HMBOX1: variants seen among roughly 807,000 people sequenced by gnomAD.
HMBOX1 encodes the protein homeobox-containing protein 1.
HMBOX1 carries 14 observed loss-of-function variants against 54.5 expected under a neutral mutation model. That is an observed-to-expected ratio of 0.26 (90% confidence interval 0.17 to 0.40). HMBOX1 has a LOEUF of 0.40. Ranked by LOEUF, HMBOX1 falls within the 10% of genes least tolerant of loss-of-function variation. The pLI, the probability that HMBOX1 is intolerant of heterozygous loss-of-function variation, is 1.00. For synonymous variants in HMBOX1, 160 were observed against 181.0 expected (o/e 0.88, Z 0.93); for missense variants, 332 against 514.4 (o/e 0.65, Z 3.43).
At chr8:28,988,417 A>G (rs1830465602) in intron 4 of HMBOX1, among the ~76,000 whole-genome samples, 1 of 152,168 alleles carries the variant, frequency 6.6e-6, no homozygotes, top group Non-Finnish European at 1.5e-5. Context: ...TTGTGTGGGA[A>G]TATGTTTTCA....
At chr8:29,020,954 C>T (rs970509123) in intron 6 of HMBOX1, among the ~76,000 whole-genome samples, 2 of 152,172 alleles carry the variant, frequency 1.3e-5, no homozygotes, top group African/African-American at 4.8e-5. Flanking sequence ...GCAGAAGGAT[C>T]ACTTGAGGCC....
chr8:28,995,220 T>C (rs974289011), intron 4 of HMBOX1, among the ~76,000 whole-genome samples: 2 of 152,202 alleles, frequency 1.3e-5, no homozygotes, highest in African/African-American at 2.4e-5. Flanking sequence ...TCTGCAGATA[T>C]ACCTACAGAC....
chr8:28,974,038 T>C (rs1827976378), intron 3 of HMBOX1, among the ~76,000 whole-genome samples: 1 of 152,030 alleles, frequency 6.6e-6, no homozygotes, highest in Non-Finnish European at 1.5e-5. Flanking sequence ...GGTCTCAAAC[T>C]CCTGGCCTCA....
At chr8:29,030,169 T>G (rs117349812) in intron 6 of HMBOX1, among the ~76,000 whole-genome samples, 3 of 147,126 alleles carry the variant, frequency 2.0e-5, no homozygotes, top group African/African-American at 7.7e-5. Context: ...GAATAAAGTA[T>G]TAGGTTCCAG....
At chr8:28,958,230 C>A (rs1317193435) in intron 1 of HMBOX1, among the ~76,000 whole-genome samples, 2 of 152,094 alleles carry the variant, frequency 1.3e-5, no homozygotes, top group Admixed American at 1.3e-4. Context: ...GTGTCCTGAG[C>A]CGCTGGGATT....
chr8:28,941,122 T>C (rs1821332362), intron 1 of HMBOX1, among the ~76,000 whole-genome samples: 1 of 152,214 alleles, frequency 6.6e-6, no homozygotes, highest in Non-Finnish European at 1.5e-5. Flanking sequence ...CTCATATTTT[T>C]TTCTTTTCTA....
At chr8:28,941,562 A>G (rs1191134813) in intron 1 of HMBOX1, among the ~76,000 whole-genome samples, 1 of 152,208 alleles carries the variant, frequency 6.6e-6, no homozygotes, top group Non-Finnish European at 1.5e-5. Context: ...GGCTTAGAAA[A>G]GAAACATTTT....
intron 6 of HMBOX1, among the ~76,000 whole-genome samples, chr8:29,027,876 CTG>C (rs1490564018): frequency 2.6e-5 from 4 of 152,090 alleles, no homozygotes; most frequent in East Asian, 1.9e-4. Flanking sequence ...ATGAATATCT[CTG>C]TTTGTGTTTG....
At chr8:28,914,701 AAT>A (rs1816182912) in intron 1 of HMBOX1, among the ~76,000 whole-genome samples, 1 of 152,220 alleles carries the variant, frequency 6.6e-6, no homozygotes, top group Admixed American at 6.5e-5. Flanking sequence ...TAATAAAATA[AAT>A]ATGTGGTTTT....
At chr8:28,921,385 A>AT (rs1817534300) in intron 1 of HMBOX1, among the ~76,000 whole-genome samples, 1 of 152,190 alleles carries the variant, frequency 6.6e-6, no homozygotes, top group Admixed American at 6.5e-5. Flanking sequence ...CCATCACTTG[A>AT]TATCAGGATG....
At chr8:28,959,103 T>A (rs2132222211) in intron 1 of HMBOX1, among the ~76,000 whole-genome samples, 1 of 152,336 alleles carries the variant, frequency 6.6e-6, no homozygotes, top group African/African-American at 2.4e-5. Context: ...AGAAGATTCA[T>A]TCTTCTTATA....
At chr8:28,980,463 C>T (rs1829155314) in intron 4 of HMBOX1, among the ~76,000 whole-genome samples, 1 of 152,192 alleles carries the variant, frequency 6.6e-6, no homozygotes, top group Non-Finnish European at 1.5e-5. Flanking sequence ...GCACATCCAA[C>T]TGCTTTCTAT....
Position 29,050,948 on chromosome 8 carries a change from C to T in HMBOX1, c.1126-70C>T, listed in dbSNP as rs1445991172. 50 of 1,515,782 alleles carry T rather than the reference C, an allele frequency of 3.3e-5. No homozygotes were observed. The East Asian group carries it at 3.4e-4, about 10-fold the overall frequency. 93.9% of individuals were successfully genotyped at this position (1,515,782 alleles called of 1,614,324 possible). A position where few individuals can be genotyped will look rare whatever the true frequency, so the allele number is the denominator to read the frequency against. On this transcript the variant is annotated intron_variant, in intron 9 of 9. Coordinates refer to ENST00000287701, the MANE Select transcript of HMBOX1 (RefSeq NM_001135726.3). ...ACGAATGTTCTGCCTCCCCTTGCCC[C>T]AGCATGTCTCTCTGTGACTAAAGAA...
chr8:29,018,705 A>C (rs545564921), intron 5 of HMBOX1, 55 bp from the exon 6 acceptor site: 8 of 1,566,004 alleles, frequency 5.1e-6, no homozygotes, highest in Non-Finnish European at 7.0e-6. Flanking sequence ...AGTAGATGTT[A>C]TATTGTTTTA....
chr8:28,892,022 C>T (rs1460496339), intron 1 of HMBOX1, among the ~76,000 whole-genome samples: 2 of 152,058 alleles, frequency 1.3e-5, no homozygotes, highest in South Asian at 2.1e-4. Context: ...TCCTTAAGTC[C>T]TTCCTTTCTT....
chr8:29,013,275 A>G (rs1586476856), intron 5 of HMBOX1, among the ~76,000 whole-genome samples: 1 of 152,282 alleles, frequency 6.6e-6, no homozygotes, highest in South Asian at 2.1e-4. Flanking sequence ...AGCTGGGATT[A>G]CAGGCACGTG....
chr8:29,023,881 G>A (rs1373719458), intron 6 of HMBOX1, among the ~76,000 whole-genome samples: 3 of 152,270 alleles, frequency 2.0e-5, no homozygotes, highest in African/African-American at 7.2e-5. Flanking sequence ...ACCCCTGATG[G>A]ACTGAATCTT....
chr8:28,907,509 C>G (rs1814565151), intron 1 of HMBOX1, among the ~76,000 whole-genome samples: 1 of 152,246 alleles, frequency 6.6e-6, no homozygotes, highest in Admixed American at 6.5e-5. Flanking sequence ...TTAAGTTTAT[C>G]TCTATTATAT....
chr8:29,032,819 C>T (rs1005765546), intron 6 of HMBOX1, among the ~76,000 whole-genome samples: 1 of 152,140 alleles, frequency 6.6e-6, no homozygotes, highest in African/African-American at 2.4e-5. Context: ...TATTACCACC[C>T]TCTTTCCCCC....
Sources: allele counts gnomAD v4.1 joint callset (sites outside exome capture counted in the v4.1 genomes callset), GRCh38; gene constraint gnomAD v4.1.1; transcripts MANE v1.5; gene names NCBI Gene and HGNC (gene_info 2026-07-23, HGNC 2026-07-21).